The following APPL1 variants were observed in gnomAD, a reference collection of about 807,000 sequenced individuals.
APPL1 encodes the protein adaptor protein, phosphotyrosine interacting with PH domain and leucine zipper 1.
APPL1 carries 42 observed loss-of-function variants against 106.8 expected under a neutral mutation model. The observed-to-expected ratio is 0.39, with a 90% CI of 0.31 to 0.51. The LOEUF is 0.51. Ranked by LOEUF, APPL1 falls within the 20% of genes least tolerant of loss-of-function variation. The probability of loss-of-function intolerance (pLI) is 0.75; values close to 1 mark genes in which losing one functional copy is unlikely to be tolerated. For synonymous variants in APPL1, 263 were observed against 281.8 expected (o/e 0.93, Z 0.67); for missense variants, 769 against 858.2 (o/e 0.90, Z 1.30).
Position 57,249,515 on chromosome 3 carries a change from A to G in APPL1, c.1019A>G (p.Tyr340Cys). The part of the protein sequence containing the change: ...VMAVDCEDRR[Y>C]CFQITSFDGK... ...GCTGTGGACTGTGAAGACAGACGAT[A>G]TTGTTTTCAGATCACCTCTTTCGAT... Residue 340 changes from tyrosine to cysteine, a missense_variant, in exon 11 of 22, where the codon TAT (tyrosine) becomes TGT (cysteine). Transcript: ENST00000288266. The G allele has an allele frequency of 6.2e-7, 1 of 1,600,870 alleles. No individual in the cohort carries two copies. Among genetic ancestry groups the G allele is most frequent in the Non-Finnish European group, 8.5e-7 (1 of 1,175,446 alleles).
chr3:57,233,752 T>C lies in APPL1; in HGVS notation c.55-1814T>C, dbSNP rs560366652. Among the ~76,000 whole-genome samples the C allele has an allele frequency of 7.9e-5, 12 of 152,048 alleles. No individual in the cohort carries two copies. In the South Asian group the frequency reaches 2.5e-3, roughly 32 times the overall value. On this transcript the variant is annotated intron_variant, in intron 1 of 21. Coordinates refer to ENST00000288266, the MANE Select transcript of APPL1 (RefSeq NM_012096.3). The stretch of plus-strand genomic sequence containing the variant: ...TTGACTTAGCTTCCTCCTCTGAAAA[T>C]AGGAAGCTAAGGAATAAGTTGATTT...
rs2107615547 is a variant in APPL1, at chr3:57,270,966, C to T, written c.*1279C>T. ...TAAACCTTAATTTTTTTTCTGTAATCACTTTTAACACTGCTAATAGAAATT... is the reference window on the plus strand; with the variant it reads ...TAAACCTTAATTTTTTTTCTGTAATTACTTTTAACACTGCTAATAGAAATT... On this transcript the variant is annotated 3_prime_UTR_variant, in exon 22 of 22. Transcript: ENST00000288266. The T allele has an allele frequency of 6.6e-6, 1 of 152,096 alleles. No individual in the cohort carries two copies. Among genetic ancestry groups the T allele is most frequent in the East Asian group, 1.9e-4 (1 of 5,186 alleles). The allele number at this position is 152,096 out of a possible 1,614,324, so 9.4% of individuals were successfully genotyped here. A position where few individuals can be genotyped will look rare whatever the true frequency, so the allele number is the denominator to read the frequency against.
rs117850409 is a variant in APPL1, at chr3:57,262,050, C to T, written c.1842+1276C>T. Reference sequence around the variant, plus strand: ...GAGCATCTTTTCATATACCTGTTGGCTGTTTTTGTGTCCTTTAAGAAATGC... The same window carrying T: ...GAGCATCTTTTCATATACCTGTTGGTTGTTTTTGTGTCCTTTAAGAAATGC... On this transcript the variant is annotated intron_variant, in intron 19 of 21. Coordinates refer to ENST00000288266, the MANE Select transcript of APPL1 (RefSeq NM_012096.3). Among the ~76,000 whole-genome samples, 66 of 152,192 alleles carry T rather than the reference C, an allele frequency of 4.3e-4. No homozygotes were observed. In the East Asian group the frequency reaches 9.7e-3, roughly 22 times the overall value.
chr3:57,243,219 T>A (rs1213712160), intron 7 of APPL1, among the ~76,000 whole-genome samples: 1 of 152,186 alleles, frequency 6.6e-6, no homozygotes, highest in Non-Finnish European at 1.5e-5. Flanking sequence ...TTGGTTCTGT[T>A]TGAATATATA....
At chr3:57,259,744 C>T (rs2107608366) in intron 16 of APPL1, 101 bp from the exon 17 acceptor site, 3 of 969,618 alleles carry the variant, frequency 3.1e-6, no homozygotes, top group East Asian at 5.7e-5. Flanking sequence ...TAAAAGGAGG[C>T]AGTGTATTTT....
chr3:57,245,108 A>G (rs1230118257), intron 7 of APPL1, among the ~76,000 whole-genome samples: 3 of 152,118 alleles, frequency 2.0e-5, no homozygotes, highest in African/African-American at 7.2e-5. Context: ...CCAGCTGGAG[A>G]TGTGTTTACT....
At position 57,246,172 on chromosome 3, in the gene APPL1, A is replaced by C. The variant is rs200733439; in HGVS notation, c.571A>C (p.Lys191Gln). The C allele has an allele frequency of 1.7e-4, 267 of 1,611,406 alleles. No homozygotes were observed. In the Admixed American group the frequency reaches 2.6e-3, roughly 15 times the overall value. ...TTGTGCATTAAATACTCTTCAGTAC[A>C]AGAAGAAAATAGCATTGTTAGAACC... ...YFCALNTLQY[K>Q]KKIALLEPLL... The change falls in exon 8 of 22, where the codon AAG becomes CAG. Residue 191 changes from lysine to glutamine, a missense_variant. Physicochemically the swap from Lys to Gln is moderately conservative, Grantham distance 53. Coordinates refer to ENST00000288266, the MANE Select transcript of APPL1 (RefSeq NM_012096.3).
intron 8 of APPL1, among the ~76,000 whole-genome samples, chr3:57,247,191 A>T (rs2060778532): frequency 6.6e-6 from 1 of 152,236 alleles, no homozygotes; most frequent in Admixed American, 6.5e-5. Flanking sequence ...ATATAAAAGG[A>T]TATGCAGTGG....
intron 4 of APPL1, 102 bp downstream of exon 4, chr3:57,238,218 T>C (rs978810556): frequency 1.3e-6 from 1 of 793,010 alleles, no homozygotes; most frequent in Admixed American, 3.2e-5. Context: ...AAGAGATGAC[T>C]AAAGAGGAAC....
intron 20 of APPL1, 127 bp downstream of exon 20, chr3:57,267,919 C>CTAAA: frequency 1.1e-6 from 1 of 915,740 alleles, no homozygotes. Flanking sequence ...TGGTGAAACC[C>CTAAA]CATTTCTACT....
intron 19 of APPL1, 99 bp downstream of exon 19, chr3:57,260,873 T>G: frequency 8.2e-7 from 1 of 1,212,398 alleles, no homozygotes; most frequent in Non-Finnish European, 1.1e-6. Flanking sequence ...AATTAGTTAG[T>G]AATTACTGAT....
chr3:57,269,497 A>T (rs1439303302), intron 21 of APPL1, 44 bp from the exon 22 acceptor site: 1 of 1,605,348 alleles, frequency 6.2e-7, no homozygotes, highest in Non-Finnish European at 8.5e-7. Context: ...TTGCCATTTG[A>T]CTGCAGACAA....
Position 57,249,482 on chromosome 3 carries a change from C to T in APPL1, c.986C>T (p.Ser329Leu). Reference protein sequence around the residue: ...GGLAMDIDNCSVMAVDCEDRR... With the variant: ...GGLAMDIDNCLVMAVDCEDRR... ...CTGGCCATGGACATAGACAACTGTT[C>T]AGTGATGGCTGTGGACTGTGAAGAC... Residue 329 changes from serine (S) to leucine (L), a missense_variant, in exon 11 of 22, where the codon TCA (serine) becomes TTA (leucine). Physicochemically the swap from Ser to Leu is moderately radical, Grantham distance 145 (BLOSUM62 -2). Coordinates refer to ENST00000288266, the MANE Select transcript of APPL1 (RefSeq NM_012096.3). 2 of 1,614,058 alleles carry T rather than the reference C, an allele frequency of 1.2e-6. No homozygotes were observed. Among genetic ancestry groups the T allele is most frequent in the Non-Finnish European group, 1.7e-6 (2 of 1,179,986 alleles).
At chr3:57,259,371 G>A (rs1463256057) in intron 16 of APPL1, among the ~76,000 whole-genome samples, 1 of 152,118 alleles carries the variant, frequency 6.6e-6, no homozygotes, top group Non-Finnish European at 1.5e-5. Flanking sequence ...TTCTGGTACT[G>A]GAGCATAAAT....
At chr3:57,254,015 A>T (rs993691303) in intron 13 of APPL1, among the ~76,000 whole-genome samples, 2 of 152,184 alleles carry the variant, frequency 1.3e-5, no homozygotes, top group African/African-American at 4.8e-5. Context: ...GGCGTGTGCC[A>T]TGACACCCAG....
chr3:57,232,859 G>T (rs2060694655), intron 1 of APPL1, among the ~76,000 whole-genome samples: 4 of 152,020 alleles, frequency 2.6e-5, no homozygotes, highest in Admixed American at 2.6e-4. Context: ...AAAATTAGCT[G>T]GGTGTGGTGG....
At position 57,242,917 on chromosome 3, in the gene APPL1, G is replaced by A. The variant is rs375549545; in HGVS notation, c.474+3G>A. Reference sequence around the variant, plus strand: ...CAAAAAAAAGAGAAAATGACAAGGTGTGGTACATATTTATTCCTTCAGTGT... The same window carrying A: ...CAAAAAAAAGAGAAAATGACAAGGTATGGTACATATTTATTCCTTCAGTGT... On this transcript the variant is annotated splice_donor_region_variant and intron_variant, in intron 7 of 21. Coordinates refer to ENST00000288266, the MANE Select transcript of APPL1 (RefSeq NM_012096.3). The A allele has an allele frequency of 1.2e-6, 2 of 1,606,454 alleles. No individual in the cohort carries two copies. The highest frequency in any genetic ancestry group is 2.2e-5 in the East Asian group (1 of 44,824).
In APPL1 at chr3:57,235,673, C is replaced by T; in HGVS notation, c.153+9C>T. 6.3e-7 allele frequency: 1 copy of T among 1,594,500 alleles called. No homozygotes were observed. The highest frequency in any genetic ancestry group is 8.6e-7 in the Non-Finnish European group (1 of 1,163,592). On this transcript the variant is annotated intron_variant, in intron 2 of 21. Coordinates refer to ENST00000288266, the MANE Select transcript of APPL1 (RefSeq NM_012096.3). ...GGATTTATGATGCACAGGTAAAACA[C>T]TAAGGACTAACTTGATGCTTTTAAA...
intron 4 of APPL1, 67 bp from the exon 5 acceptor site, chr3:57,240,398 A>C (rs929337457): frequency 4.3e-5 from 53 of 1,242,026 alleles, no homozygotes; most frequent in Non-Finnish European, 6.0e-5. Context: ...GATTATGTTT[A>C]ATTTACATAA....
Sources: allele counts gnomAD v4.1 joint callset (sites outside exome capture counted in the v4.1 genomes callset), GRCh38; gene constraint gnomAD v4.1.1; transcripts MANE v1.5; gene names NCBI Gene and HGNC (gene_info 2026-07-23, HGNC 2026-07-21).